The following HSPA12A variants were observed in gnomAD, a reference collection of about 807,000 sequenced individuals.
The protein encoded by HSPA12A is heat shock 70 kDa protein 12A.
Under a neutral mutation model 69.2 loss-of-function variants are expected in HSPA12A, and 28 were observed. The ratio of observed to expected loss-of-function variants is 0.40; its 90% CI spans 0.30 to 0.55. The LOEUF (loss-of-function observed/expected upper bound fraction) is 0.55, where lower values mean the gene tolerates loss of function less well. Among genes scored for constraint, HSPA12A ranks in the 20% least tolerant of loss-of-function variants. The pLI is 0.38. For missense variants in HSPA12A, 686 were observed against 900.7 expected (o/e 0.76, Z 3.05); for synonymous variants, 345 against 370.5 (o/e 0.93, Z 0.79).
At chr10:116,738,340 A>C (rs1554886630) in intron 1 of HSPA12A, among the ~76,000 whole-genome samples, 2 of 152,212 alleles carry the variant, frequency 1.3e-5, no homozygotes, top group East Asian at 3.8e-4. Flanking sequence ...CTCAACAAAA[A>C]GTAAGACATT....
At chr10:116,743,893 A>G (rs1554887589), upstream of HSPA12A, among the ~76,000 whole-genome samples, 3 of 152,260 alleles carry the variant, frequency 2.0e-5, no homozygotes, top group African/African-American at 7.2e-5. Context: ...CTGAGCCTCA[A>G]TATTCTCATC....
At chr10:116,707,161 A>T in intron 2 of HSPA12A, 39 bp downstream of exon 2, 1 of 1,159,860 alleles carries the variant, frequency 8.6e-7, no homozygotes, top group South Asian at 1.6e-5. Flanking sequence ...GCGCACACAC[A>T]CACACACACA....
chr10:116,704,934 C>T (rs1248812216), intron 3 of HSPA12A, among the ~76,000 whole-genome samples: 2 of 152,222 alleles, frequency 1.3e-5, no homozygotes, highest in African/African-American at 4.8e-5. Flanking sequence ...CTCCCCAGAC[C>T]AACTAAATCA....
intron 7 of HSPA12A, among the ~76,000 whole-genome samples, chr10:116,682,736 T>C (rs930393354): frequency 6.6e-6 from 1 of 152,154 alleles, no homozygotes; most frequent in Non-Finnish European, 1.5e-5. Flanking sequence ...AGTCTCGCTC[T>C]GTCTCCCAGG....
intron 1 of HSPA12A, among the ~76,000 whole-genome samples, chr10:116,709,084 T>C (rs1171951617): frequency 2.0e-5 from 3 of 152,192 alleles, no homozygotes; most frequent in East Asian, 1.9e-4. Context: ...GAGATACTTA[T>C]ATGCAAATGT....
chr10:116,692,199 C>T, intron 6 of HSPA12A, 152 bp downstream of exon 6: 1 of 640,118 alleles, frequency 1.6e-6, no homozygotes, highest in Non-Finnish European at 2.8e-6. Flanking sequence ...GGCTCCTTGT[C>T]TCCCAGCTCC....
At chr10:116,741,511 A>G (rs1384730466) in intron 1 of HSPA12A, among the ~76,000 whole-genome samples, 7 of 152,282 alleles carry the variant, frequency 4.6e-5, no homozygotes, top group African/African-American at 1.7e-4. Flanking sequence ...CCTGCAGGTC[A>G]GGGACGCGCG....
intron 2 of HSPA12A, among the ~76,000 whole-genome samples, chr10:116,706,675 G>A (rs1405622595): frequency 1.3e-5 from 2 of 152,076 alleles, no homozygotes; most frequent in African/African-American, 2.4e-5. Flanking sequence ...TACAGGGCAG[G>A]GTGGGAGCAA....
chr10:116,719,819 C>G (rs1343514520), intron 1 of HSPA12A, among the ~76,000 whole-genome samples: 5 of 152,134 alleles, frequency 3.3e-5, no homozygotes, highest in Admixed American at 2.6e-4. Context: ...AGCATCTTCC[C>G]AAAACCACAC....
At chr10:116,702,010 C>T (rs1850089734) in intron 3 of HSPA12A, among the ~76,000 whole-genome samples, 1 of 152,078 alleles carries the variant, frequency 6.6e-6, no homozygotes, top group Non-Finnish European at 1.5e-5. Flanking sequence ...ACCATAGAAA[C>T]AGATCTCAGC....
intron 1 of HSPA12A, among the ~76,000 whole-genome samples, chr10:116,733,992 A>G (rs1437232554): frequency 6.6e-6 from 1 of 152,240 alleles, no homozygotes; most frequent in Non-Finnish European, 1.5e-5. Flanking sequence ...ACTAAAAATA[A>G]CAGGATTCAT....
chr10:116,728,302 A>C (rs1315795908), intron 1 of HSPA12A, among the ~76,000 whole-genome samples: 2 of 98,348 alleles, frequency 2.0e-5, no homozygotes, highest in African/African-American at 3.4e-5. Flanking sequence ...GGTTAGGTGG[A>C]TTAAATGCAT....
At chr10:116,781,380 T>A (rs1290123654) in intron 2 of HSPA12A, among the ~76,000 whole-genome samples, 1 of 152,164 alleles carries the variant, frequency 6.6e-6, no homozygotes, top group Non-Finnish European at 1.5e-5. Flanking sequence ...ATGATGATGA[T>A]GAATGCCGCT....
intron 1 of HSPA12A, among the ~76,000 whole-genome samples, chr10:116,724,166 G>A (rs1554884725): frequency 2.0e-5 from 3 of 152,152 alleles, no homozygotes; most frequent in African/African-American, 7.2e-5. Flanking sequence ...TGTGGCTGGA[G>A]GCAGGGCCAC....
intron 2 of HSPA12A, chr10:116,832,251 T>TCCGCCTC (rs1845631919): frequency 6.6e-6 from 1 of 152,094 alleles, no homozygotes. Context: ...CACTACAACC[T>TCCGCCTC]CCGCCTCCCC....
chr10:116,702,803 T>C (rs1850118254), intron 3 of HSPA12A, among the ~76,000 whole-genome samples: 1 of 152,198 alleles, frequency 6.6e-6, no homozygotes, highest in Admixed American at 6.5e-5. Context: ...GCTAATATGT[T>C]CTGATTGAAA....
chr10:116,763,303 G>T (rs546386003), intron 2 of HSPA12A, among the ~76,000 whole-genome samples: 10 of 152,278 alleles, frequency 6.6e-5, no homozygotes, highest in African/African-American at 2.2e-4. Flanking sequence ...GAAGCCAAAT[G>T]ATCTTTTAGC....
At chr10:116,786,772 T>C (rs2133145658) in intron 2 of HSPA12A, among the ~76,000 whole-genome samples, 1 of 152,260 alleles carries the variant, frequency 6.6e-6, no homozygotes, top group Admixed American at 6.5e-5. Flanking sequence ...CCTGAGTAGC[T>C]GGGATTACAG....
chr10:116,701,114 A>G lies in HSPA12A; in HGVS notation c.270T>C (p.Gly90=). The change falls in exon 4 of 12, where the codon GGT becomes GGC. Residue 90 remains glycine, a synonymous_variant. Transcript: ENST00000369209. ...CIHVMRRWEG[G]DPGVSNQKTP... is the part of the protein sequence containing the mutation. ...TCTTCTGATTGGACACACCAGGGTC[A>G]CCTCCCTCCCATCGCCTGCCACCAA... 1 of 1,613,226 alleles carries G rather than the reference A, an allele frequency of 6.2e-7. No individual in the cohort carries two copies. The highest frequency in any genetic ancestry group is 8.5e-7 in the Non-Finnish European group (1 of 1,179,764).
Sources: gnomAD v4.1 joint callset for allele counts (sites outside exome capture counted in the v4.1 genomes callset) on GRCh38, gnomAD v4.1.1 for gene constraint, MANE v1.5 for transcripts, NCBI Gene and HGNC (gene_info 2026-07-23, HGNC 2026-07-21) for gene names.